The following KCP variants were observed in gnomAD, a reference collection of about 807,000 sequenced individuals.
KCP encodes the protein kielin/chordin-like protein.
KCP carries 194 observed loss-of-function variants against 212.7 expected under a neutral mutation model. The observed-to-expected ratio is 0.91, with a 90% CI of 0.81 to 1.03. KCP has a LOEUF of 1.03. Among genes scored for constraint, KCP ranks in the 50% least tolerant of loss-of-function variants. KCP has a pLI of 0.00. For missense variants in KCP, 2,080 were observed against 2,162.5 expected (o/e 0.96, Z 0.76); for synonymous variants, 833 against 865.3 (o/e 0.96, Z 0.65).
At chr7:128,910,499 T>A in intron 1 of KCP, 102 bp downstream of exon 1, 1 of 1,130,470 alleles carries the variant, frequency 8.8e-7, no homozygotes, top group Non-Finnish European at 1.2e-6. Context: ...CAGGCAGGGC[T>A]AAGAGCAGAG....
chr7:128,891,164 G>C, intron 19 of KCP, 21 bp downstream of exon 19: 3 of 1,540,662 alleles, frequency 1.9e-6, no homozygotes, highest in Non-Finnish European at 2.6e-6. Flanking sequence ...GGGAGGAGCA[G>C]CCGAGGGGTG....
At chr7:128,903,437 T>G in intron 7 of KCP, 1 of 495,178 alleles carries the variant, frequency 2.0e-6, no homozygotes, top group Non-Finnish European at 3.6e-6. Context: ...CTAGGGGTCA[T>G]CCCTGAGGGC....
intron 8 of KCP, among the ~76,000 whole-genome samples, chr7:128,895,344 A>G (rs372636128): frequency 6.6e-6 from 1 of 152,110 alleles, no homozygotes; most frequent in African/African-American, 2.4e-5. Flanking sequence ...TGTGGCATCT[A>G]CCTCTAGAAG....
At chr7:128,886,817 G>T in intron 24 of KCP, 59 bp downstream of exon 24, 1 of 1,419,044 alleles carries the variant, frequency 7.0e-7, no homozygotes, top group Non-Finnish European at 9.7e-7. Context: ...GGCAGGAAGG[G>T]AAGGGGGAGG....
chr7:128,892,918 C>T lies in KCP; in HGVS notation c.1371G>A (p.Gly457=), dbSNP rs759977421. 4 of 1,528,416 alleles carry T rather than the reference C, an allele frequency of 2.6e-6. No individual in the cohort carries two copies. The highest frequency in any genetic ancestry group is 1.4e-5 in the African/African-American group (1 of 72,668). The allele number at this position is 1,528,416 out of a possible 1,614,324, so 94.7% of individuals were successfully genotyped here. A position where few individuals can be genotyped will look rare whatever the true frequency, so the allele number is the denominator to read the frequency against. The change falls in exon 14 of 40, where the codon GGG becomes GGA. Residue 457 remains glycine (G), a synonymous_variant. Transcript: ENST00000610776. ...CVCQDGVPKC[G]AVLCPPAPCQ... is the part of the protein sequence containing the mutation. ...AGGGGGCTGGGGGGCAGAGCACAGC[C>T]CCGCACTTGGGTACCCCATCTTGAC...
chr7:128,890,465 G>A lies in KCP; in HGVS notation c.2213C>T (p.Ser738Leu), dbSNP rs999948416. ...KEFASGERFP[S>L]PTAACHLCLC... is the part of the protein sequence containing the mutation. ...GCAGAGGTGGCAGGCAGCAGTGGGCGATGGGAAGCGCTCCCCGCTGGCAAA... is the reference window on the plus strand; with the variant it reads ...GCAGAGGTGGCAGGCAGCAGTGGGCAATGGGAAGCGCTCCCCGCTGGCAAA... The change falls in exon 21 of 40, where the codon TCG becomes TTG. Residue 738 changes from serine (S) to leucine (L), a missense_variant. By Grantham distance (145) the Ser-to-Leu change is moderately radical (BLOSUM62 -2). Coordinates refer to ENST00000610776, the MANE Select transcript of KCP (RefSeq NM_001366122.1). 1.3e-6 allele frequency: 2 copies of A among 1,550,752 alleles called. No individual in the cohort carries two copies. The highest frequency in any genetic ancestry group is 1.4e-5 in the African/African-American group (1 of 73,030).
intron 26 of KCP, 111 bp downstream of exon 26, chr7:128,886,353 G>A (rs1563026702): frequency 1.1e-6 from 1 of 888,226 alleles, no homozygotes; most frequent in East Asian, 2.7e-5. Context: ...AGGGCCAGTT[G>A]TTGGGGCAGG....
At chr7:128,906,736 G>A (rs1795137463) in intron 4 of KCP, among the ~76,000 whole-genome samples, 1 of 152,118 alleles carries the variant, frequency 6.6e-6, no homozygotes, top group African/African-American at 2.4e-5. Context: ...GTAGAAGATG[G>A]GCAGTGGAAG....
At position 128,879,735 on chromosome 7, in the gene KCP, GCAGCAGCCGCACGGCCATGTCTCC is replaced by G. The variant is rs1294941923; in HGVS notation, c.4003_4026del (p.Gly1335_Leu1342del). 6.5e-7 allele frequency: 1 copy of G among 1,550,140 alleles called. No homozygotes were observed. The highest frequency in any genetic ancestry group is 2.0e-5 in the Admixed American group (1 of 50,996). ...TTGCTCACCGTGACTGCCCCGTCCT[GCAGCAGCCGCACGGCCATGTCTCC>G]CAGCAGCACCGCCACCTCCTGGGTC... On this transcript the variant is annotated inframe_deletion, in exon 36 of 40. Transcript: ENST00000610776.
intron 31 of KCP, 46 bp from the exon 32 acceptor site, chr7:128,881,131 T>C (rs1793305597): frequency 5.0e-6 from 2 of 398,998 alleles, no homozygotes; most frequent in South Asian, 1.3e-4. Flanking sequence ...CCTCCTGCTG[T>C]ATCCTCCCTC....
intron 2 of KCP, 124 bp downstream of exon 2, chr7:128,908,288 AAGAAAGAAAGAAAG>A (rs1483191340): frequency 2.3e-5 from 14 of 607,086 alleles, no homozygotes; most frequent in Non-Finnish European, 3.3e-5. Flanking sequence ...GAAAGAAAGA[AAGAAAGAAAGAAAG>A]AAAGGGAATT....
chr7:128,900,068 C>G (rs1794761643), intron 8 of KCP, among the ~76,000 whole-genome samples: 1 of 152,038 alleles, frequency 6.6e-6, no homozygotes, highest in Admixed American at 6.5e-5. Context: ...AGGGCACAAA[C>G]CCATGGCAAG....
intron 26 of KCP, among the ~76,000 whole-genome samples, 174 bp from the exon 27 acceptor site, chr7:128,885,444 G>T (rs1793593498): frequency 6.6e-6 from 1 of 152,198 alleles, no homozygotes; most frequent in African/African-American, 2.4e-5. Flanking sequence ...GAAAGGCACT[G>T]GGAGGGGTTC....
chr7:128,878,192 G>T (rs895766589), intron 38 of KCP, among the ~76,000 whole-genome samples: 2 of 152,018 alleles, frequency 1.3e-5, no homozygotes, highest in African/African-American at 4.8e-5. Context: ...GAGTAGCTGG[G>T]ATTACAGGCA....
At chr7:128,908,240 G>GAAGAAAGAAAGAAGAAAGA (rs1160878859) in intron 2 of KCP, among the ~76,000 whole-genome samples, 186 bp downstream of exon 2, 1 of 70,888 alleles carries the variant, frequency 1.4e-5, no homozygotes, top group Non-Finnish European at 2.8e-5. Context: ...AAGAAGAAAG[G>GAAGAAAGAAAGAAGAAAGA]AAGAAAGAAA....
intron 31 of KCP, 91 bp from the exon 32 acceptor site, chr7:128,881,176 C>A (rs1793311115): frequency 2.5e-6 from 1 of 398,872 alleles, no homozygotes; most frequent in Admixed American, 4.4e-5. Context: ...GGCAGGAAAG[C>A]ACCCACTCCG....
Position 128,886,677 on chromosome 7 carries a change from C to A in KCP, c.2750G>T (p.Ser917Ile), listed in dbSNP as rs900599345. 2.8e-5 allele frequency: 43 copies of A among 1,551,546 alleles called. No individual in the cohort carries two copies. In the Admixed American group the frequency reaches 8.4e-4, roughly 30 times the overall value. ...DGEEFEGPAG[S>I]CEWCRCQAGQ... ...TACCTGACAGCGACACCACTCACAG[C>A]TGCCTGCTGGTCCCTCAAACTCCTC... Residue 917 changes from serine (S) to isoleucine (I), a missense_variant, in exon 25 of 40, where the codon AGC (serine) becomes ATC (isoleucine). By Grantham distance (142) the Ser-to-Ile change is moderately radical. Coordinates refer to ENST00000610776, the MANE Select transcript of KCP (RefSeq NM_001366122.1).
intron 8 of KCP, among the ~76,000 whole-genome samples, chr7:128,894,683 T>C (rs1054883729): frequency 6.6e-6 from 1 of 152,206 alleles, no homozygotes; most frequent in South Asian, 2.1e-4. Context: ...CTCAGCTCAC[T>C]GTAACCTCCA....
intron 4 of KCP, 49 bp from the exon 5 acceptor site, chr7:128,906,412 G>T: frequency 7.5e-7 from 1 of 1,326,672 alleles, no homozygotes; most frequent in Non-Finnish European, 1.1e-6. Flanking sequence ...TTCCTGGAGG[G>T]CAGGGCCTCT....
Sources: gnomAD v4.1 joint callset for allele counts (sites outside exome capture counted in the v4.1 genomes callset) on GRCh38, gnomAD v4.1.1 for gene constraint, MANE v1.5 for transcripts, NCBI Gene and HGNC (gene_info 2026-07-23, HGNC 2026-07-21) for gene names.